The following MGST1 variants were observed in gnomAD, a reference collection of about 807,000 sequenced individuals.
MGST1 encodes glutathione S-transferase 12.
In MGST1, 5 loss-of-function variants were observed where a neutral mutation model predicts 8.9. The observed-to-expected ratio is 0.56, with a 90% CI of 0.29 to 1.19. The LOEUF is 1.19. MGST1 is among the 50% of genes most tolerant of loss of function. MGST1 has a pLI of 0.08. For synonymous variants in MGST1, 54 were observed against 67.8 expected, an observed-to-expected ratio of 0.80 and a Z score of 1.00; for missense variants, 182 against 187.4, an observed-to-expected ratio of 0.97 and a Z score of 0.17.
intron 4 of MGST1, among the ~76,000 whole-genome samples, chr12:16,498,661 G>A (rs1265578307): frequency 6.6e-6 from 1 of 152,140 alleles, no homozygotes; most frequent in Non-Finnish European, 1.5e-5. Flanking sequence ...AGCCCTTGAA[G>A]AACAAACATG....
chr12:16,354,651 CA>C (rs1349897860), intron 2 of MGST1: 1 of 223,820 alleles, frequency 4.5e-6, no homozygotes, highest in Non-Finnish European at 8.6e-6. Context: ...TCAAAGTTTT[CA>C]CGGAAACTTT....
rs1941810832 is a variant in MGST1 at position 16,544,382 on chromosome 12, A to G, written n.483-45146A>G. Reference sequence around the variant, plus strand: ...TTAATGCATACAAAAGAGTTGTCATACAAAAGAGAAAAAGCCAAATATGAT... The same window carrying G: ...TTAATGCATACAAAAGAGTTGTCATGCAAAAGAGAAAAAGCCAAATATGAT... On this transcript the variant is annotated intron_variant and non_coding_transcript_variant, in intron 4 of 4. Coordinates refer to the MGST1 transcript ENST00000538857. This position sits in a 1 kb window ranked among gnomAD's most constrained non-coding sequence, Gnocchi z 4.8. 6.6e-6 allele frequency among the ~76,000 whole-genome samples: 1 copy of G among 152,084 alleles called. No individual in the cohort carries two copies. Among genetic ancestry groups the G allele is most frequent in the Non-Finnish European group, 1.5e-5 (1 of 67,986 alleles).
At chr12:16,402,291 A>G (rs1049210349) in intron 1 of MGST1, 3 of 1,591,882 alleles carry the variant, frequency 1.9e-6, no homozygotes, top group African/African-American at 2.7e-5. Context: ...GGAATAAACA[A>G]TTTCTTCATC....
At chr12:16,398,924 G>C (rs540159699) in intron 1 of MGST1, among the ~76,000 whole-genome samples, 3 of 152,224 alleles carry the variant, frequency 2.0e-5, no homozygotes, top group Non-Finnish European at 4.4e-5. Context: ...TTGTACCACT[G>C]TCTTGGAAAT....
chr12:16,399,714 A>G, intron 1 of MGST1: 1 of 1,240,546 alleles, frequency 8.1e-7, no homozygotes, highest in Non-Finnish European at 1.2e-6. Context: ...AATGGTCTTT[A>G]TTGCTTTAGT....
intron 1 of MGST1, among the ~76,000 whole-genome samples, chr12:16,349,805 C>T (rs1403525431): frequency 1.4e-5 from 2 of 145,544 alleles, no homozygotes. Flanking sequence ...AGTGCAGTGG[C>T]ACGATCTCAG....
rs185908896 is a variant in MGST1 at position 16,585,927 on chromosome 12, A to T, written n.483-3601A>T. On this transcript the variant is annotated intron_variant and non_coding_transcript_variant, in intron 4 of 4. Transcript: ENST00000538857. This position sits in a 1 kb window ranked among gnomAD's most constrained non-coding sequence, Gnocchi z 4.7. ...AGTCTCAGAAATCTTGCTTATCCTA[A>T]GATCTGGGCGACATTTCACCAGTGA... is the stretch of plus-strand genomic sequence containing the variant. 1.3e-3 allele frequency among the ~76,000 whole-genome samples: 198 copies of T among 152,282 alleles called. 1 individual carries two copies. The highest frequency in any genetic ancestry group is 3.5e-3 in the African/African-American group (146 of 41,570).
intron 4 of MGST1, among the ~76,000 whole-genome samples, chr12:16,531,733 G>A (rs1403568403): frequency 6.6e-6 from 1 of 152,144 alleles, no homozygotes; most frequent in Non-Finnish European, 1.5e-5. Context: ...AGCTGAGTGT[G>A]ACTTGGAAGA....
chr12:16,440,976 T>C (rs1941034182), downstream of MGST1, among the ~76,000 whole-genome samples: 1 of 151,864 alleles, frequency 6.6e-6, no homozygotes, highest in Non-Finnish European at 1.5e-5. Context: ...ATAATAATGT[T>C]AGTAAATTAG....
rs1425046639 is a variant in MGST1 at position 16,410,489 on chromosome 12, G to C, written n.778+26885G>C. ...AGTTCTATAGACGCTAGTCAGATTT[G>C]TAAAAGCATATATGTTGGTATATAT... On this transcript the variant is annotated intron_variant and non_coding_transcript_variant, in intron 1 of 1. Transcript: ENST00000359720. This position sits in a 1 kb window ranked among gnomAD's most constrained non-coding sequence, Gnocchi z 4.4. Among the ~76,000 whole-genome samples, 1 of 151,444 alleles carries C rather than the reference G, an allele frequency of 6.6e-6. No homozygotes were observed. Among genetic ancestry groups the C allele is most frequent in the Non-Finnish European group, 1.5e-5 (1 of 67,908 alleles).
chr12:16,400,387 T>C (rs1940643915), intron 1 of MGST1: 1 of 819,774 alleles, frequency 1.2e-6, no homozygotes, highest in Non-Finnish European at 2.2e-6. Context: ...GACACGGGCC[T>C]CCAGTGAGCC....
chr12:16,518,206 A>G lies in MGST1; in HGVS notation n.483-71322A>G, dbSNP rs370550873. On this transcript the variant is annotated intron_variant and non_coding_transcript_variant, in intron 4 of 4. Coordinates refer to the MGST1 transcript ENST00000538857. ...TCTTCTCCAACTCTGCTATTCAGTG[A>G]CATCACTCAAACCACACTTCCTCTC... Among the ~76,000 whole-genome samples, 21 of 152,294 alleles carry G rather than the reference A, an allele frequency of 1.4e-4. No homozygotes were observed. In the East Asian group the frequency reaches 3.5e-3, roughly 25 times the overall value.
At position 16,547,748 on chromosome 12, in the gene MGST1, G is replaced by A. The variant is rs114333136; in HGVS notation, n.483-41780G>A. 0.023 allele frequency among the ~76,000 whole-genome samples: 3,535 copies of A among 151,866 alleles called. 78 individuals are homozygous for A. Among genetic ancestry groups the A allele is most frequent in the African/African-American group, 0.053 (2,182 of 41,288 alleles). ...TTAAGAAAAAGTAATGATCAAAAAGGCTTTTGCTAAAATTGTATTTTGTGC... is the reference window on the plus strand; with the variant it reads ...TTAAGAAAAAGTAATGATCAAAAAGACTTTTGCTAAAATTGTATTTTGTGC... On this transcript the variant is annotated intron_variant and non_coding_transcript_variant, in intron 4 of 4. Coordinates refer to the MGST1 transcript ENST00000538857. The surrounding 1 kb of genome is among the most constrained non-coding windows in gnomAD (Gnocchi z 4.6).
intron 1 of MGST1, among the ~76,000 whole-genome samples, chr12:16,403,253 C>G (rs1940674849): frequency 6.6e-6 from 1 of 151,978 alleles, no homozygotes; most frequent in Admixed American, 6.6e-5. Context: ...ACCCATAGAT[C>G]ATATAGACAT....
At chr12:16,392,284 A>C (rs1372390365) in intron 1 of MGST1, among the ~76,000 whole-genome samples, 1 of 152,158 alleles carries the variant, frequency 6.6e-6, no homozygotes, top group Non-Finnish European at 1.5e-5. Flanking sequence ...TCACATGACG[A>C]TGATTGTGTA....
At position 16,362,191 on chromosome 12, in the gene MGST1, G is replaced by A. The variant is rs1248950795; in HGVS notation, c.222-1604G>A. On this transcript the variant is annotated intron_variant, in intron 3 of 3. Transcript: ENST00000396210. The surrounding 1 kb of genome is among the most constrained non-coding windows in gnomAD (Gnocchi z 4.4). ...ACTCTAGGTGTCATTGACAAAGTGGGCCCTTCTTTAATAGAAAATGGTATT... is the reference window on the plus strand; with the variant it reads ...ACTCTAGGTGTCATTGACAAAGTGGACCCTTCTTTAATAGAAAATGGTATT... Among the ~76,000 whole-genome samples, 1 of 152,136 alleles carries A rather than the reference G, an allele frequency of 6.6e-6. No homozygotes were observed.
chr12:16,370,217 A>G (rs1479084856), intron 3 of MGST1: 1 of 152,154 alleles, frequency 6.6e-6, no homozygotes, highest in East Asian at 1.9e-4. Flanking sequence ...AAAACACAAT[A>G]CAGGGTTTGT....
At position 16,585,817 on chromosome 12, in the gene MGST1, G is replaced by A. The variant is rs562522965; in HGVS notation, n.483-3711G>A. Reference sequence around the variant, plus strand: ...TTGTTAGAAAGTAAATTTGATCTGGGCTTCCCAGGAAACAAAGAAAAGAGG... The same window carrying A: ...TTGTTAGAAAGTAAATTTGATCTGGACTTCCCAGGAAACAAAGAAAAGAGG... On this transcript the variant is annotated intron_variant and non_coding_transcript_variant, in intron 4 of 4. Transcript: ENST00000538857. This position sits in a 1 kb window ranked among gnomAD's most constrained non-coding sequence, Gnocchi z 4.7. 6.6e-6 allele frequency among the ~76,000 whole-genome samples: 1 copy of A among 152,248 alleles called. No homozygotes were observed. The highest frequency in any genetic ancestry group is 6.5e-5 in the Admixed American group (1 of 15,286).
At chr12:16,370,951 A>G (rs1270274650) in intron 3 of MGST1, among the ~76,000 whole-genome samples, 3 of 152,178 alleles carry the variant, frequency 2.0e-5, no homozygotes, top group Admixed American at 1.3e-4. Context: ...TGTGGGTTTA[A>G]TGTCTCAGAA....
Sources: gnomAD v4.1 joint callset for allele counts (sites outside exome capture counted in the v4.1 genomes callset) on GRCh38, gnomAD v4.1.1 for gene constraint, Gnocchi (gnomAD v3.1) non-coding constraint, MANE v1.5 for transcripts, NCBI Gene and HGNC (gene_info 2026-07-23, HGNC 2026-07-21) for gene names.